The following ATP13A3 variants were observed in gnomAD, a reference collection of about 807,000 sequenced individuals.
The protein encoded by ATP13A3 is ATPase 13A3, also known as polyamine-transporting ATPase 13A3.
ATP13A3 carries 59 observed loss-of-function variants against 158.1 expected under a neutral mutation model. That is an observed-to-expected ratio of 0.37 (90% CI 0.30 to 0.46). The LOEUF is 0.46. ATP13A3 is among the 20% of genes least tolerant of loss of function. ATP13A3 has a pLI of 1.00. For missense variants in ATP13A3, 1,166 were observed against 1,525.2 expected (o/e 0.76, Z 3.92); for synonymous variants, 491 against 504.3 (o/e 0.97, Z 0.35).
At chr3:194,463,546 G>A (rs1214541562) in intron 2 of ATP13A3, among the ~76,000 whole-genome samples, 1 of 152,002 alleles carries the variant, frequency 6.6e-6, no homozygotes, top group East Asian at 1.9e-4. Flanking sequence ...GAAGGTAAAT[G>A]GGTTTCAGCC....
intron 2 of ATP13A3, among the ~76,000 whole-genome samples, chr3:194,464,276 A>G (rs1719858889): frequency 6.6e-6 from 1 of 152,190 alleles, no homozygotes; most frequent in Non-Finnish European, 1.5e-5. Context: ...AAAATAAATA[A>G]CCAGTAAGAT....
chr3:194,452,693 C>T (rs1320131516), intron 10 of ATP13A3: 1 of 152,098 alleles, frequency 6.6e-6, no homozygotes, highest in Non-Finnish European at 1.5e-5. Flanking sequence ...GAACCCTCTT[C>T]TCTCCTTCTC....
intron 27 of ATP13A3, 144 bp downstream of exon 27, chr3:194,429,534 C>G: frequency 2.1e-6 from 1 of 480,772 alleles, no homozygotes; most frequent in Non-Finnish European, 3.6e-6. Context: ...GCTATTCAAA[C>G]TACAGTAAAT....
upstream of ATP13A3, among the ~76,000 whole-genome samples, chr3:194,491,716 C>A (rs1433862503): frequency 1.3e-5 from 1 of 77,038 alleles, no homozygotes; most frequent in Admixed American, 1.2e-4. Context: ...TCTCACCTGG[C>A]ATGTCCCCTC....
At chr3:194,483,078 G>C (rs1160738021) in intron 2 of ATP13A3, among the ~76,000 whole-genome samples, 2 of 148,870 alleles carry the variant, frequency 1.3e-5, no homozygotes, top group African/African-American at 5.1e-5. Flanking sequence ...CTGCACTCCA[G>C]CCAGGATGAC....
chr3:194,453,418 C>T (rs1384159761), intron 10 of ATP13A3, among the ~76,000 whole-genome samples: 1 of 141,604 alleles, frequency 7.1e-6, no homozygotes, highest in Non-Finnish European at 1.5e-5. Flanking sequence ...CATGGCAAAA[C>T]CCTGTCTCTA....
chr3:194,451,388 T>G (rs1718795573), intron 10 of ATP13A3: 1 of 152,234 alleles, frequency 6.6e-6, no homozygotes, highest in Non-Finnish European at 1.5e-5. Context: ...GAAGTTCTAC[T>G]CCTTTTAGGC....
chr3:194,491,943 T>C (rs565309881), upstream of ATP13A3, among the ~76,000 whole-genome samples: 3 of 152,168 alleles, frequency 2.0e-5, no homozygotes, highest in Non-Finnish European at 4.4e-5. Context: ...TGGGTTCCTC[T>C]GCTTTTGCCC....
chr3:194,433,710 T>C, intron 21 of ATP13A3, 62 bp downstream of exon 21: 1 of 1,587,002 alleles, frequency 6.3e-7, no homozygotes, highest in Non-Finnish European at 8.6e-7. Context: ...TATCCCTCAA[T>C]ATAATATAAC....
At chr3:194,481,169 G>C (rs1273539499) in intron 2 of ATP13A3, among the ~76,000 whole-genome samples, 3 of 150,926 alleles carry the variant, frequency 2.0e-5, no homozygotes, top group Non-Finnish European at 4.4e-5. Flanking sequence ...CAAAACACTT[G>C]TCTTTTATAT....
rs1331790423 is a variant in ATP13A3 at position 194,462,215 on chromosome 3, T to C, written c.-25A>G. On this transcript the variant is annotated 5_prime_UTR_variant, in exon 3 of 34. Transcript: ENST00000645319. ...TACCTACAGTGGATTAAAGGTCCAGTGCTTCAAACAATGGAAGATCACTGA... is the reference window on the plus strand; with the variant it reads ...TACCTACAGTGGATTAAAGGTCCAGCGCTTCAAACAATGGAAGATCACTGA... The C allele has an allele frequency of 3.7e-6, 6 of 1,605,878 alleles. No homozygotes were observed. The African/African-American group carries it at 8.0e-5, about 21-fold the overall frequency.
rs9858373 is a variant in ATP13A3, at chr3:194,437,281, A to T, written c.1999+30T>A. 0.059 allele frequency: 94,880 copies of T among 1,613,962 alleles called. 4,948 individuals carry two copies. Among genetic ancestry groups the T allele is most frequent in the African/African-American group, 0.25 (18,464 of 74,958 alleles). ...AATACAAGTTTACTCAAATACCAGA[A>T]TTGTACCCAAAGCATAGATATTTCC... On this transcript the variant is annotated intron_variant, in intron 19 of 33. Transcript: ENST00000645319.
chr3:194,412,686 T>C (rs1430436532), intron 32 of ATP13A3: 1 of 183,860 alleles, frequency 5.4e-6, no homozygotes, highest in Non-Finnish European at 1.2e-5. Context: ...ATTCTTTAGG[T>C]AGTAAGAATA....
chr3:194,456,693 C>T (rs1275212860), intron 7 of ATP13A3, among the ~76,000 whole-genome samples: 1 of 152,040 alleles, frequency 6.6e-6, no homozygotes, highest in East Asian at 1.9e-4. Context: ...AATTTGAACT[C>T]ATGCTTGTAT....
intron 33 of ATP13A3, among the ~76,000 whole-genome samples, chr3:194,406,340 G>A (rs928048919): frequency 6.6e-6 from 1 of 152,116 alleles, no homozygotes; most frequent in African/African-American, 2.4e-5. Context: ...CGAGGTGGGA[G>A]GACTGCTTGA....
intron 30 of ATP13A3, among the ~76,000 whole-genome samples, chr3:194,423,496 C>CA: frequency 6.6e-6 from 1 of 152,318 alleles, no homozygotes; most frequent in East Asian, 1.9e-4. Context: ...GACACACAGA[C>CA]AAGAGGTGAA....
At position 194,437,469 on chromosome 3, in the gene ATP13A3, A is replaced by G; in HGVS notation, c.1846-5T>C. ...AATTCCTATCTCATAAGTAGCCTATATCATTTCAAAAGAGGCACAAAGCAC... is the reference window on the plus strand; with the variant it reads ...AATTCCTATCTCATAAGTAGCCTATGTCATTTCAAAAGAGGCACAAAGCAC... On this transcript the variant is annotated splice_polypyrimidine_tract_variant and splice_region_variant and intron_variant, in intron 18 of 33. Coordinates refer to ENST00000645319, the MANE Select transcript of ATP13A3 (RefSeq NM_001367549.1). 1 of 1,614,162 alleles carries G rather than the reference A, an allele frequency of 6.2e-7. No individual in the cohort carries two copies. The highest frequency in any genetic ancestry group is 8.5e-7 in the Non-Finnish European group (1 of 1,180,018).
At chr3:194,406,556 T>C (rs80311477) in intron 33 of ATP13A3, among the ~76,000 whole-genome samples, 2,682 of 152,324 alleles carry the variant, frequency 0.018, 78 homozygotes, top group African/African-American at 0.062. Context: ...CTTGCAGATA[T>C]GGATTCTTTA....
chr3:194,443,951 CT>C, intron 15 of ATP13A3, among the ~76,000 whole-genome samples: 1 of 152,082 alleles, frequency 6.6e-6, no homozygotes, highest in African/African-American at 2.4e-5. Flanking sequence ...CTAAATGACC[CT>C]CCCTCCAAAA....
Sources: allele counts gnomAD v4.1 joint callset (sites outside exome capture counted in the v4.1 genomes callset), GRCh38; gene constraint gnomAD v4.1.1; transcripts MANE v1.5; gene names NCBI Gene and HGNC (gene_info 2026-07-23, HGNC 2026-07-21).